The following TTC4 variants were observed in gnomAD, a reference collection of about 807,000 sequenced individuals.
The protein encoded by TTC4 is tetratricopeptide repeat domain 4.
A neutral mutation model predicts 51.9 loss-of-function variants in TTC4; 36 were observed. That is an observed-to-expected ratio of 0.69 (90% CI 0.53 to 0.92). The LOEUF is 0.92. TTC4 is among the 40% of genes least tolerant of loss of function. The probability of loss-of-function intolerance (pLI) is 0.00; values close to 1 mark genes in which losing one functional copy is unlikely to be tolerated. For missense variants in TTC4, 399 were observed against 454.6 expected (o/e 0.88, Z 1.11); for synonymous variants, 144 against 164.2 (o/e 0.88, Z 0.94).
chr1:54,727,688 C>CA (rs200521894), intron 5 of TTC4, among the ~76,000 whole-genome samples: 2,510 of 43,490 alleles, frequency 0.058, 66 homozygotes, highest in East Asian at 0.11. Context: ...CTCATCTCTA[C>CA]AAAAAAAAAA....
chr1:54,732,740 C>T (rs1230603715), intron 7 of TTC4, among the ~76,000 whole-genome samples: 1 of 151,536 alleles, frequency 6.6e-6, no homozygotes, highest in Admixed American at 6.6e-5. Context: ...GATTTACAGG[C>T]ATGAGCCACT....
At chr1:54,720,765 G>A (rs1312855393) in intron 3 of TTC4, among the ~76,000 whole-genome samples, 2 of 151,944 alleles carry the variant, frequency 1.3e-5, no homozygotes, top group Non-Finnish European at 2.9e-5. Context: ...AAGTATTTTT[G>A]ATAATTTTCC....
intron 3 of TTC4, among the ~76,000 whole-genome samples, chr1:54,719,316 T>TCATTTTCTTTGTCTTTATGG (rs1645715557): frequency 6.6e-6 from 1 of 152,206 alleles, no homozygotes; most frequent in South Asian, 2.1e-4. Context: ...TTGTAGTTTC[T>TCATTTTCTTTGTCTTTATGG]GCAGTGCAGC....
chr1:54,727,055 CAAAAAAAAAA>C (rs56739564), intron 5 of TTC4, among the ~76,000 whole-genome samples: 1 of 102,920 alleles, frequency 9.7e-6, no homozygotes, highest in Non-Finnish European at 2.2e-5. Flanking sequence ...TCATGAAAGA[CAAAAAAAAAA>C]AAAAAACAAA....
At chr1:54,740,975 C>T (rs1646003774) in intron 9 of TTC4, among the ~76,000 whole-genome samples, 1 of 152,084 alleles carries the variant, frequency 6.6e-6, no homozygotes, top group African/African-American at 2.4e-5. Context: ...TAATGCTGCG[C>T]CTCACAAATG....
At chr1:54,735,896 T>C (rs1645926888) in intron 8 of TTC4, among the ~76,000 whole-genome samples, 1 of 152,190 alleles carries the variant, frequency 6.6e-6, no homozygotes. Context: ...TTTGTTTCTG[T>C]GTCCTTTTGA....
At chr1:54,718,910 C>T (rs1645709093) in intron 3 of TTC4, among the ~76,000 whole-genome samples, 1 of 152,068 alleles carries the variant, frequency 6.6e-6, no homozygotes, top group African/African-American at 2.4e-5. Flanking sequence ...CTCAGTGGAC[C>T]TTTTCAGTCT....
chr1:54,722,316 G>A (rs956738854), intron 4 of TTC4, among the ~76,000 whole-genome samples: 2 of 152,106 alleles, frequency 1.3e-5, no homozygotes, highest in Non-Finnish European at 2.9e-5. Context: ...TGCAGATGAG[G>A]AACCTAAAGC....
chr1:54,739,671 G>A (rs1011819999), intron 9 of TTC4, among the ~76,000 whole-genome samples: 2 of 152,200 alleles, frequency 1.3e-5, no homozygotes, highest in Non-Finnish European at 2.9e-5. Context: ...CTTAAGCTTT[G>A]AGCAAAGCAA....
chr1:54,739,593 T>G (rs924836988), intron 9 of TTC4, among the ~76,000 whole-genome samples: 1 of 152,240 alleles, frequency 6.6e-6, no homozygotes, highest in African/African-American at 2.4e-5. Context: ...AGAGAAGCTG[T>G]GAGGTGTTCC....
chr1:54,730,974 A>G (rs183093179), intron 6 of TTC4, among the ~76,000 whole-genome samples: 6 of 152,226 alleles, frequency 3.9e-5, no homozygotes, highest in African/African-American at 7.2e-5. Flanking sequence ...TCCATCGTCT[A>G]TGGTACTACA....
chr1:54,727,472 A>G (rs900479504), intron 5 of TTC4, among the ~76,000 whole-genome samples: 3 of 152,226 alleles, frequency 2.0e-5, no homozygotes, highest in Non-Finnish European at 4.4e-5. Context: ...CAAAAGGAAA[A>G]GTAGATTGAT....
chr1:54,723,397 C>A (rs748495078), intron 5 of TTC4, among the ~76,000 whole-genome samples: 3 of 152,168 alleles, frequency 2.0e-5, no homozygotes, highest in Admixed American at 6.5e-5. Flanking sequence ...AGTCACATAA[C>A]AATGTCACGT....
rs1645962779 is a variant in TTC4 at position 54,737,632 on chromosome 1, G to A, written c.1029G>A (p.Lys343=). 2.5e-6 allele frequency: 4 copies of A among 1,613,256 alleles called. No homozygotes were observed. The highest frequency in any genetic ancestry group is 1.1e-5 in the South Asian group (1 of 91,006). Residue 343 remains lysine, a synonymous_variant, in exon 9 of 10, where the codon AAG becomes AAA. Transcript: ENST00000371281. ...CAGAACTATACCGGGTGCCTGCCAA[G>A]AGCACCTTGCTACAGGTTCTACAGC... ...DRAELYRVPA[K]STLLQVLQHQ... is the part of the protein sequence containing the mutation.
intron 9 of TTC4, among the ~76,000 whole-genome samples, chr1:54,738,916 G>A (rs1645979887): frequency 6.6e-6 from 1 of 151,908 alleles, no homozygotes; most frequent in South Asian, 2.1e-4. Flanking sequence ...ACTCACCTCG[G>A]TCTTCCAAAG....
At position 54,736,224 on chromosome 1, in the gene TTC4, AGAG is replaced by A. The variant is rs1557752986; in HGVS notation, c.979-1354_979-1352del. On this transcript the variant is annotated intron_variant, in intron 8 of 9. Coordinates refer to ENST00000371281, the MANE Select transcript of TTC4 (RefSeq NM_004623.5). The stretch of plus-strand genomic sequence containing the variant: ...AGAGAGAGAGAGAGAGAGAGAGAGA[AGAG>A]GAGAGGAGAGAGAAGAGAGGAGAGA... 7.5e-4 allele frequency among the ~76,000 whole-genome samples: 62 copies of A among 82,488 alleles called. 3 individuals are homozygous for A. The highest frequency in any genetic ancestry group is 3.2e-3 in the African/African-American group (55 of 16,968). The allele number at this position is 82,488 out of a possible 152,430, so 54.1% of individuals were successfully genotyped here.
intron 4 of TTC4, among the ~76,000 whole-genome samples, chr1:54,721,758 C>A (rs1226578661): frequency 6.6e-6 from 1 of 152,218 alleles, no homozygotes. Context: ...TTCCCTGCAT[C>A]CCCATGGACC....
chr1:54,720,788 TTG>T (rs1645734075), intron 3 of TTC4, among the ~76,000 whole-genome samples: 1 of 152,210 alleles, frequency 6.6e-6, no homozygotes, highest in Non-Finnish European at 1.5e-5. Context: ...AAGAAAATTG[TTG>T]TGTCAAAGTA....
chr1:54,741,846 A>G lies in TTC4; in HGVS notation c.*333A>G. ...GGAGATGGACTCAGGATCCAGTGAC[A>G]TGATTCTGAACTTTTGTGGAGTTTG... On this transcript the variant is annotated 3_prime_UTR_variant, in exon 10 of 10. Coordinates refer to ENST00000371281, the MANE Select transcript of TTC4 (RefSeq NM_004623.5). The G allele has an allele frequency of 3.1e-6, 1 of 319,960 alleles. No individual in the cohort carries two copies. The highest frequency in any genetic ancestry group is 5.8e-6 in the Non-Finnish European group (1 of 172,008). 19.8% of individuals were successfully genotyped at this position (319,960 alleles called of 1,614,324 possible).
Sources: allele counts gnomAD v4.1 joint callset (sites outside exome capture counted in the v4.1 genomes callset), GRCh38; gene constraint gnomAD v4.1.1; transcripts MANE v1.5; gene names NCBI Gene and HGNC (gene_info 2026-07-23, HGNC 2026-07-21).